MFSD11: variants seen among roughly 807,000 people sequenced by gnomAD.
The protein encoded by MFSD11 is UNC93-like protein MFSD11.
In MFSD11, 36 loss-of-function variants were observed where a neutral mutation model predicts 53.5. That is an observed-to-expected ratio of 0.67 (90% CI 0.52 to 0.89). The LOEUF (loss-of-function observed/expected upper bound fraction) is 0.89. Ranked by LOEUF, MFSD11 falls within the 40% of genes least tolerant of loss-of-function variation. MFSD11 has a pLI of 0.00. For missense variants in MFSD11, 530 were observed against 543.9 expected, an observed-to-expected ratio of 0.97 and a Z score of 0.25; for synonymous variants, 186 against 184.9, an observed-to-expected ratio of 1.01 and a Z score of -0.05.
chr17:76,749,393 G>A (rs2078837616), intron 7 of MFSD11, among the ~76,000 whole-genome samples: 2 of 152,118 alleles, frequency 1.3e-5, no homozygotes, highest in Admixed American at 1.3e-4. Context: ...ATCAGGCATG[G>A]TGGCGCATGT....
At chr17:76,788,749 A>T in the MFSD11 span, among the ~76,000 whole-genome samples, 1 of 148,590 alleles carries the variant, frequency 6.7e-6, no homozygotes, top group Admixed American at 6.7e-5. Flanking sequence ...GTTACTTGGG[A>T]GGCTGAGGCA....
chr17:76,737,626 C>G (rs1011099652), upstream of MFSD11: 1 of 207,848 alleles, frequency 4.8e-6, no homozygotes, highest in Non-Finnish European at 9.8e-6. Context: ...AGAGGAGGTG[C>G]TCCCCATCTG....
At position 76,758,749 on chromosome 17, in the gene MFSD11, G is replaced by T. The variant is rs543515203; in HGVS notation, c.682+4662G>T. ...AAAGTATAAACACTCCAGTAGAAAAGAGGCATTTTACAAATATGGAAAAAA... is the reference window on the plus strand; with the variant it reads ...AAAGTATAAACACTCCAGTAGAAAATAGGCATTTTACAAATATGGAAAAAA... On this transcript the variant is annotated intron_variant, in intron 8 of 12. Coordinates refer to ENST00000685175, the MANE Select transcript of MFSD11 (RefSeq NM_001242532.5). Among the ~76,000 whole-genome samples, 120 of 152,146 alleles carry T rather than the reference G, an allele frequency of 7.9e-4. No individual in the cohort carries two copies. The South Asian group carries it at 0.012, about 16-fold the overall frequency.
intron 8 of MFSD11, among the ~76,000 whole-genome samples, chr17:76,754,683 C>CA (rs10667934): frequency 0.077 from 9,226 of 119,316 alleles, 552 homozygotes; most frequent in African/African-American, 0.1. Context: ...GACTCCATCT[C>CA]AAAAAAAAAA....
chr17:76,778,092 G>C, intron 12 of MFSD11, 96 bp from the exon 13 acceptor site: 2 of 1,194,188 alleles, frequency 1.7e-6, no homozygotes, highest in Non-Finnish European at 2.4e-6. Context: ...TGAGTTCCAG[G>C]TGTCCTTGGG....
At chr17:76,780,762 C>T (rs1405869009), downstream of MFSD11, among the ~76,000 whole-genome samples, 1 of 152,134 alleles carries the variant, frequency 6.6e-6, no homozygotes, top group East Asian at 1.9e-4. Context: ...GATCCGCCTG[C>T]CTCAGCCTCC....
the MFSD11 span, among the ~76,000 whole-genome samples, chr17:76,787,707 A>G: frequency 1.3e-5 from 2 of 149,724 alleles, no homozygotes; most frequent in Admixed American, 1.3e-4. Flanking sequence ...CCCCAACCCC[A>G]AACTGACTGA....
downstream of MFSD11, among the ~76,000 whole-genome samples, chr17:76,780,671 C>A (rs28677925): frequency 0.099 from 14,972 of 151,834 alleles, 2,378 homozygotes; most frequent in African/African-American, 0.33. Context: ...ATGCACCACC[C>A]CGCCTGGCTA....
chr17:76,743,077 AG>A (rs1259729493), intron 5 of MFSD11, among the ~76,000 whole-genome samples: 4 of 152,246 alleles, frequency 2.6e-5, no homozygotes, highest in African/African-American at 9.6e-5. Flanking sequence ...TTTAAAATTT[AG>A]CTTAAGCTTA....
downstream of MFSD11, among the ~76,000 whole-genome samples, chr17:76,783,725 A>G (rs2082227290): frequency 6.6e-6 from 1 of 151,834 alleles, no homozygotes; most frequent in East Asian, 1.9e-4. Context: ...CGCCCAGCCT[A>G]TTTATTTTTT....
At chr17:76,774,348 C>T (rs1019575037) in intron 10 of MFSD11, among the ~76,000 whole-genome samples, 2 of 152,170 alleles carry the variant, frequency 1.3e-5, no homozygotes, top group Admixed American at 1.3e-4. Context: ...CTTGGCCTCC[C>T]AAAGTGCTGG....
chr17:76,767,541 T>A (rs1261648516), intron 9 of MFSD11, 90 bp downstream of exon 9: 5 of 804,478 alleles, frequency 6.2e-6, no homozygotes, highest in Non-Finnish European at 1.0e-5. Context: ...CACAATTCTG[T>A]GCAGTGACTG....
downstream of MFSD11, among the ~76,000 whole-genome samples, chr17:76,783,702 A>T (rs2082226090): frequency 6.6e-6 from 1 of 151,964 alleles, no homozygotes; most frequent in Non-Finnish European, 1.5e-5. Flanking sequence ...GGGATTACAG[A>T]TGCCTGCCAC....
chr17:76,742,387 T>C (rs2078175315), intron 5 of MFSD11, 114 bp downstream of exon 5: 5 of 815,292 alleles, frequency 6.1e-6, no homozygotes, highest in South Asian at 3.5e-5. Context: ...ACTTAAGTTC[T>C]AGCTAAATGT....
chr17:76,768,256 T>C (rs896533574), intron 9 of MFSD11, among the ~76,000 whole-genome samples: 1 of 143,200 alleles, frequency 7.0e-6, no homozygotes, highest in Non-Finnish European at 1.5e-5. Context: ...TGATCCAAGA[T>C]GGCACCACTA....
In MFSD11 at chr17:76,778,109, T is replaced by C. The variant is rs1331389555; in HGVS notation, c.1186-79T>C. 6.9e-6 allele frequency: 10 copies of C among 1,448,018 alleles called. No individual in the cohort carries two copies. In the East Asian group the frequency reaches 1.8e-4, roughly 26 times the overall value. 89.7% of individuals were successfully genotyped at this position (1,448,018 alleles called of 1,614,324 possible). On this transcript the variant is annotated intron_variant, in intron 12 of 12. Transcript: ENST00000685175. ...AGTTCCAGGTGTCCTTGGGGCAGGA[T>C]AGGAGTGGGGCTAGGGGCTAACTGT...
At chr17:76,786,883 T>C in the MFSD11 span, among the ~76,000 whole-genome samples, 1 of 152,048 alleles carries the variant, frequency 6.6e-6, no homozygotes, top group African/African-American at 2.4e-5. Flanking sequence ...TGGCGCGATA[T>C]TGGCTCACTG....
chr17:76,785,495 A>G (rs1202155574), downstream of MFSD11, among the ~76,000 whole-genome samples: 1 of 151,210 alleles, frequency 6.6e-6, no homozygotes, highest in Non-Finnish European at 1.5e-5. Flanking sequence ...ATCCCACCAC[A>G]CTCAGGTAAT....
intron 2 of MFSD11, 95 bp from the exon 3 acceptor site, chr17:76,740,862 A>G: frequency 1.2e-5 from 9 of 730,022 alleles, no homozygotes; most frequent in Non-Finnish European, 2.1e-5. Flanking sequence ...TGTTTATTGT[A>G]AAATCTATAA....
Sources: gnomAD v4.1 joint callset for allele counts (sites outside exome capture counted in the v4.1 genomes callset) on GRCh38, gnomAD v4.1.1 for gene constraint, MANE v1.5 for transcripts, NCBI Gene and HGNC (gene_info 2026-07-23, HGNC 2026-07-21) for gene names.